MRPL48: variants seen among roughly 807,000 people sequenced by gnomAD.
MRPL48 encodes the protein large ribosomal subunit protein mL48.
In MRPL48, 16 loss-of-function variants were observed where a neutral mutation model predicts 32.9. That is an observed-to-expected ratio of 0.49 (90% CI 0.33 to 0.74). MRPL48 has a LOEUF of 0.74. Ranked by LOEUF, MRPL48 falls within the 30% of genes least tolerant of loss-of-function variation. The pLI is 0.02. For synonymous variants in MRPL48, 94 were observed against 89.2 expected (o/e 1.05, Z -0.31); for missense variants, 206 against 245.3 (o/e 0.84, Z 1.07).
chr11:73,834,682 T>C (rs1314558828), intron 4 of MRPL48, among the ~76,000 whole-genome samples: 2 of 151,496 alleles, frequency 1.3e-5, no homozygotes, highest in Non-Finnish European at 2.9e-5. Context: ...TACAGGCGTG[T>C]GCCACCATGC....
chr11:73,809,658 C>A (rs1272130859), intron 3 of MRPL48, among the ~76,000 whole-genome samples: 9 of 152,192 alleles, frequency 5.9e-5, no homozygotes, highest in Admixed American at 5.9e-4. Context: ...TCCATTCAGT[C>A]TGATTAACTC....
chr11:73,845,158 G>A (rs1948266578), intron 5 of MRPL48, 182 bp downstream of exon 5: 1 of 529,686 alleles, frequency 1.9e-6, no homozygotes, highest in Non-Finnish European at 3.0e-6. Context: ...TGGTGCCCTG[G>A]TGTAGTCAGT....
chr11:73,794,857 G>C lies in MRPL48; in HGVS notation c.21+6865G>C, dbSNP rs369376786. On this transcript the variant is annotated intron_variant, in intron 1 of 7. Transcript: ENST00000310614. ...CCTCCCGGGTTCAAGCGATTCTCCT[G>C]CCTCGACCTCCTGAGTAGCTGGGAT... Among the ~76,000 whole-genome samples, 14 of 148,168 alleles carry C rather than the reference G, an allele frequency of 9.4e-5. No homozygotes were observed. In the South Asian group the frequency reaches 3.0e-3, roughly 32 times the overall value.
At chr11:73,807,623 A>G (rs1344364668) in intron 2 of MRPL48, among the ~76,000 whole-genome samples, 2 of 141,968 alleles carry the variant, frequency 1.4e-5, no homozygotes, top group African/African-American at 5.2e-5. Flanking sequence ...AGATTGTAGT[A>G]TTATTATCTT....
intron 1 of MRPL48, among the ~76,000 whole-genome samples, chr11:73,791,449 C>T (rs1947151679): frequency 6.6e-6 from 1 of 152,036 alleles, no homozygotes; most frequent in African/African-American, 2.4e-5. Context: ...CAGGGTCTCA[C>T]TCTGTCACCC....
intron 1 of MRPL48, chr11:73,802,005 T>C (rs945275157): frequency 6.6e-6 from 1 of 152,246 alleles, no homozygotes; most frequent in Non-Finnish European, 1.5e-5. Context: ...TCTTGGGTGA[T>C]GATAAGAGTT....
chr11:73,862,692 G>C (rs1005636779), intron 6 of MRPL48, among the ~76,000 whole-genome samples: 1 of 152,128 alleles, frequency 6.6e-6, no homozygotes, highest in Non-Finnish European at 1.5e-5. Context: ...AAAGTGGAAG[G>C]ATTCCTTGAG....
chr11:73,831,863 C>T (rs917753542), intron 4 of MRPL48, among the ~76,000 whole-genome samples: 31 of 125,058 alleles, frequency 2.5e-4, no homozygotes, highest in African/African-American at 8.2e-4. Context: ...TCGCTTGAGC[C>T]GGGGAGGTGG....
At chr11:73,863,813 C>G (rs571386307) in intron 7 of MRPL48, among the ~76,000 whole-genome samples, 5 of 152,110 alleles carry the variant, frequency 3.3e-5, no homozygotes, top group Non-Finnish European at 7.4e-5. Context: ...ATGAGGTCAT[C>G]TTAGATTGGT....
intron 3 of MRPL48, among the ~76,000 whole-genome samples, chr11:73,817,033 T>G (rs1215305295): frequency 6.6e-6 from 1 of 151,758 alleles, no homozygotes; most frequent in Non-Finnish European, 1.5e-5. Flanking sequence ...GGTTTCACCA[T>G]GTTGGCCAGG....
At chr11:73,826,589 A>C (rs1947894306) in intron 4 of MRPL48, among the ~76,000 whole-genome samples, 1 of 150,476 alleles carries the variant, frequency 6.6e-6, no homozygotes, top group Non-Finnish European at 1.5e-5. Flanking sequence ...AGCTGTTCTC[A>C]TGCTTCAACC....
At chr11:73,808,216 T>A in intron 2 of MRPL48, 97 bp from the exon 3 acceptor site, 2 of 1,188,336 alleles carry the variant, frequency 1.7e-6, no homozygotes, top group East Asian at 2.6e-5. Context: ...GGAAACAGCA[T>A]TGATGCATCT....
At chr11:73,835,379 A>G (rs555518339) in intron 4 of MRPL48, among the ~76,000 whole-genome samples, 1 of 151,978 alleles carries the variant, frequency 6.6e-6, no homozygotes, top group South Asian at 2.1e-4. Flanking sequence ...TGACCTCGTG[A>G]TCCGCCTGCC....
chr11:73,823,839 T>G (rs927387719), intron 3 of MRPL48, among the ~76,000 whole-genome samples: 4 of 150,968 alleles, frequency 2.6e-5, no homozygotes, highest in Admixed American at 2.6e-4. Flanking sequence ...TCTACCACAA[T>G]GTATATATAT....
At chr11:73,831,813 G>A (rs2135024887) in intron 4 of MRPL48, among the ~76,000 whole-genome samples, 1 of 151,948 alleles carries the variant, frequency 6.6e-6, no homozygotes, top group East Asian at 1.9e-4. Flanking sequence ...GGTGGCGCAT[G>A]CCTGTAATCC....
Position 73,864,284 on chromosome 11 carries a change from T to C in MRPL48, c.565-12T>C, listed in dbSNP as rs1948631357. On this transcript the variant is annotated splice_polypyrimidine_tract_variant and intron_variant, in intron 7 of 7. Transcript: ENST00000310614. ...CAGTAATTACCGCTTATTTTCTTTTTCTTCTCCTTAGCACACTGAAGAAGA... is the reference window on the plus strand; with the variant it reads ...CAGTAATTACCGCTTATTTTCTTTTCCTTCTCCTTAGCACACTGAAGAAGA... 33 of 1,612,454 alleles carry C rather than the reference T, an allele frequency of 2.0e-5. No homozygotes were observed. The East Asian group carries it at 7.4e-4, about 36-fold the overall frequency.
chr11:73,808,054 T>C (rs1007327667), intron 2 of MRPL48, among the ~76,000 whole-genome samples: 1 of 152,228 alleles, frequency 6.6e-6, no homozygotes, highest in South Asian at 2.1e-4. Context: ...ATCAATACTA[T>C]ATTGTGGCTC....
intron 4 of MRPL48, among the ~76,000 whole-genome samples, chr11:73,839,680 A>G (rs1414077550): frequency 6.6e-6 from 1 of 152,224 alleles, no homozygotes; most frequent in Non-Finnish European, 1.5e-5. Context: ...TAAAACTGCT[A>G]GAAGGTAAAA....
At chr11:73,792,804 C>T (rs4944034) in intron 1 of MRPL48, among the ~76,000 whole-genome samples, 13,893 of 152,260 alleles carry the variant, frequency 0.091, 758 homozygotes, top group South Asian at 0.27. Context: ...AAACAATTAC[C>T]ACCACCATTA....
Sources: allele counts gnomAD v4.1 joint callset (sites outside exome capture counted in the v4.1 genomes callset), GRCh38; gene constraint gnomAD v4.1.1; transcripts MANE v1.5; gene names NCBI Gene and HGNC (gene_info 2026-07-23, HGNC 2026-07-21).